The following RNF32 variants were observed in gnomAD, a reference collection of about 807,000 sequenced individuals.
The protein encoded by RNF32 is ring finger protein 32.
RNF32 carries 36 observed loss-of-function variants against 41.0 expected under a neutral mutation model. That is an observed-to-expected ratio of 0.88 (90% confidence interval 0.67 to 1.16). The LOEUF is 1.16. RNF32 is among the 50% of genes most tolerant of loss of function. The pLI is 0.00. For missense variants in RNF32, 413 were observed against 436.7 expected (o/e 0.95, Z 0.48); for synonymous variants, 154 against 160.9 (o/e 0.96, Z 0.32).
chr7:156,643,787 C>G lies in RNF32; in HGVS notation c.-77-14C>G. 1 of 1,202,612 alleles carries G rather than the reference C, an allele frequency of 8.3e-7. No homozygotes were observed. Among genetic ancestry groups the G allele is most frequent in the Non-Finnish European group, 1.2e-6 (1 of 811,284 alleles). The allele number at this position is 1,202,612 out of a possible 1,614,324, so 74.5% of individuals were successfully genotyped here. A position where few individuals can be genotyped will look rare whatever the true frequency, so the allele number is the denominator to read the frequency against. ...CACTGTAACTTTGACTTTCTGTTGA[C>G]CACGTCTTTGCAGCAGAAGAATAGA... On this transcript the variant is annotated splice_polypyrimidine_tract_variant and intron_variant, in intron 1 of 8. Coordinates refer to ENST00000317955, the MANE Select transcript of RNF32 (RefSeq NM_030936.4).
chr7:156,670,565 T>G lies in RNF32; in HGVS notation c.685-5131T>G, dbSNP rs1359550688. On this transcript the variant is annotated intron_variant, in intron 7 of 8. Coordinates refer to ENST00000317955, the MANE Select transcript of RNF32 (RefSeq NM_030936.4). The surrounding 1 kb of genome is among the most constrained non-coding windows in gnomAD (Gnocchi z 4.3). ...CAAGGAAGCCCAATATGATTTTGTT[T>G]TAAGTGTCTAGTGAGCCTGCAGAAC... 6.6e-6 allele frequency among the ~76,000 whole-genome samples: 1 copy of G among 152,188 alleles called. No homozygotes were observed. The highest frequency in any genetic ancestry group is 2.4e-5 in the African/African-American group (1 of 41,438).
chr7:156,663,608 T>C (rs1800946662), intron 7 of RNF32, among the ~76,000 whole-genome samples: 1 of 152,238 alleles, frequency 6.6e-6, no homozygotes, highest in Non-Finnish European at 1.5e-5. Flanking sequence ...CTCTAAAGTT[T>C]ATCTAAAGAG....
At chr7:156,655,090 A>T (rs1475229931) in intron 4 of RNF32, among the ~76,000 whole-genome samples, 2 of 149,612 alleles carry the variant, frequency 1.3e-5, no homozygotes, top group African/African-American at 5.0e-5. Flanking sequence ...GTCAGAAAAG[A>T]AAAAAAAAAC....
chr7:156,658,841 TTAAA>T (rs1184368173), intron 7 of RNF32: 1 of 1,463,626 alleles, frequency 6.8e-7, no homozygotes, highest in Non-Finnish European at 9.3e-7. Context: ...TGCTAATTGT[TTAAA>T]TAAACTTATC....
At chr7:156,657,356 GTTAT>G (rs536045571) in intron 4 of RNF32, 181 bp from the exon 5 acceptor site, 151 of 585,066 alleles carry the variant, frequency 2.6e-4, no homozygotes, top group South Asian at 8.9e-4. Flanking sequence ...ATGAATTTTT[GTTAT>G]TTAGAGTATA....
chr7:156,656,845 G>C (rs983110964), intron 4 of RNF32, among the ~76,000 whole-genome samples: 2 of 152,254 alleles, frequency 1.3e-5, no homozygotes, highest in Admixed American at 1.3e-4. Flanking sequence ...GGAAGCAGGA[G>C]CCTGGCCTTT....
chr7:156,656,396 T>C (rs1799676983), intron 4 of RNF32, among the ~76,000 whole-genome samples: 1 of 152,192 alleles, frequency 6.6e-6, no homozygotes, highest in African/African-American at 2.4e-5. Flanking sequence ...ATAGATAGAA[T>C]ATATGTTGAT....
At chr7:156,674,642 C>G (rs1158663618) in intron 7 of RNF32, among the ~76,000 whole-genome samples, 1 of 152,066 alleles carries the variant, frequency 6.6e-6, no homozygotes, top group Non-Finnish European at 1.5e-5. Flanking sequence ...CCCAAGCACT[C>G]CAGTTTGGGT....
Position 156,652,535 on chromosome 7 carries a change from C to T in RNF32, c.275-2041C>T, listed in dbSNP as rs145676072. On this transcript the variant is annotated intron_variant, in intron 3 of 8. Transcript: ENST00000317955. ...TTTCTGTGAGATTACAGTCACGTGC[C>T]ACATAGCAATGTTTCAATCAACAAT... Among the ~76,000 whole-genome samples, 33 of 152,186 alleles carry T rather than the reference C, an allele frequency of 2.2e-4. No individual in the cohort carries two copies. In the East Asian group the frequency reaches 5.8e-3, roughly 27 times the overall value.
intron 3 of RNF32, chr7:156,654,153 C>T (rs578076915): frequency 6.6e-6 from 1 of 152,510 alleles, no homozygotes; most frequent in East Asian, 1.9e-4. Flanking sequence ...CCATTTGTAT[C>T]CGTGGGTTTG....
intron 3 of RNF32, among the ~76,000 whole-genome samples, chr7:156,646,887 T>G (rs1384457347): frequency 6.6e-6 from 1 of 152,228 alleles, no homozygotes; most frequent in Non-Finnish European, 1.5e-5. Flanking sequence ...AGTCTTGCTC[T>G]GTTGCCCAGG....
intron 3 of RNF32, among the ~76,000 whole-genome samples, chr7:156,652,138 TA>T (rs1481721882): frequency 6.6e-6 from 1 of 152,258 alleles, no homozygotes; most frequent in Non-Finnish European, 1.5e-5. Flanking sequence ...TGATAGCTAA[TA>T]AGGAATCTTG....
At chr7:156,673,014 G>T (rs1349609033) in intron 7 of RNF32, among the ~76,000 whole-genome samples, 1 of 152,234 alleles carries the variant, frequency 6.6e-6, no homozygotes, top group Admixed American at 6.5e-5. Flanking sequence ...AGCCTGAAAA[G>T]CTCTGCTTTT....
intron 7 of RNF32, among the ~76,000 whole-genome samples, chr7:156,664,612 G>A (rs1230745136): frequency 6.6e-6 from 1 of 152,178 alleles, no homozygotes. Context: ...TTTAGGGGTT[G>A]CATCTATTTT....
intron 3 of RNF32, among the ~76,000 whole-genome samples, 191 bp downstream of exon 3, chr7:156,644,948 A>T (rs1190527389): frequency 6.6e-6 from 1 of 152,242 alleles, no homozygotes; most frequent in Non-Finnish European, 1.5e-5. Flanking sequence ...AGGTAAAGAT[A>T]GTAATGGTAA....
At chr7:156,649,510 T>A (rs1242887611) in intron 3 of RNF32, among the ~76,000 whole-genome samples, 1 of 152,220 alleles carries the variant, frequency 6.6e-6, no homozygotes, top group African/African-American at 2.4e-5. Flanking sequence ...TTCATTTACT[T>A]ACTTATGTGA....
upstream of RNF32, chr7:156,640,680 G>A (rs1444909367): frequency 3.2e-6 from 1 of 316,376 alleles, no homozygotes; most frequent in Admixed American, 4.8e-5. Context: ...GGGCGGGGCA[G>A]GGCTGGTGAG....
Position 156,643,910 on chromosome 7 carries a change from T to C in RNF32, c.15+18T>C, listed in dbSNP as rs376520096. The C allele has an allele frequency of 1.2e-6, 2 of 1,601,440 alleles. No individual in the cohort carries two copies. Among genetic ancestry groups the C allele is most frequent in the Non-Finnish European group, 1.7e-6 (2 of 1,168,872 alleles). Reference sequence around the variant, plus strand: ...AAAATAAGGTACGCTATTCTTTTCTTAAACATACACGTTATTTGACTCATG... The same window carrying C: ...AAAATAAGGTACGCTATTCTTTTCTCAAACATACACGTTATTTGACTCATG... On this transcript the variant is annotated intron_variant, in intron 2 of 8. Coordinates refer to ENST00000317955, the MANE Select transcript of RNF32 (RefSeq NM_030936.4).
intron 1 of RNF32, chr7:156,643,144 CT>C (rs1205354152): frequency 1.1e-4 from 16 of 152,296 alleles, no homozygotes. Context: ...CTCATTAATC[CT>C]TGCGGCAACC....
Sources: allele counts gnomAD v4.1 joint callset (sites outside exome capture counted in the v4.1 genomes callset), GRCh38; gene constraint gnomAD v4.1.1; non-coding constraint Gnocchi (gnomAD v3.1); transcripts MANE v1.5; gene names NCBI Gene and HGNC (gene_info 2026-07-23, HGNC 2026-07-21).